MIIP: variants seen among roughly 807,000 people sequenced by gnomAD.
MIIP encodes migration and invasion-inhibitory protein.
In MIIP, 44 loss-of-function variants were observed where a neutral mutation model predicts 44.8. The observed-to-expected ratio is 0.98, with a 90% CI of 0.77 to 1.26. MIIP has a LOEUF of 1.26. Among genes scored for constraint, MIIP ranks in the 50% most tolerant of loss-of-function variants. MIIP has a pLI of 0.00. For missense variants in MIIP, 496 were observed against 511.7 expected, an observed-to-expected ratio of 0.97 and a Z score of 0.30; for synonymous variants, 225 against 218.3, an observed-to-expected ratio of 1.03 and a Z score of -0.27.
chr1:12,020,168 T>A (rs1410754181), intron 1 of MIIP, among the ~76,000 whole-genome samples: 2 of 152,212 alleles, frequency 1.3e-5, no homozygotes, highest in Non-Finnish European at 2.9e-5. Flanking sequence ...GAGTCAAATT[T>A]TGGTTCAGAT....
rs1447048927 is a variant in MIIP at position 12,029,141 on chromosome 1, A to G, written c.656A>G (p.Glu219Gly). 6.2e-7 allele frequency: 1 copy of G among 1,606,434 alleles called. No individual in the cohort carries two copies. The highest frequency in any genetic ancestry group is 2.2e-5 in the East Asian group (1 of 44,800). The change falls in exon 5 of 10, where the codon GAA (glutamate) becomes GGA (glycine). Residue 219 changes from glutamate (E) to glycine (G), a missense_variant and splice_region_variant. Physicochemically the swap from Glu to Gly is moderately conservative, Grantham distance 98. Coordinates refer to ENST00000235332, the MANE Select transcript of MIIP (RefSeq NM_021933.4). Reference sequence around the variant, plus strand: ...GAGGAGTGTATCTGCAGCCATCCTGAGTGAGCAGGGGCGGGCGAGGGTGGG... The same window carrying G: ...GAGGAGTGTATCTGCAGCCATCCTGGGTGAGCAGGGGCGGGCGAGGGTGGG... Reference protein sequence around the residue: ...NKEECICSHPEPQLPGLRESS... With the variant: ...NKEECICSHPGPQLPGLRESS...
rs1024207319 is a variant in MIIP, at chr1:12,029,649, G to A, written c.716-116G>A. 4 of 1,431,394 alleles carry A rather than the reference G, an allele frequency of 2.8e-6. No individual in the cohort carries two copies. The African/African-American group carries it at 5.7e-5, about 20-fold the overall frequency. The allele number at this position is 1,431,394 out of a possible 1,614,324, so 88.7% of individuals were successfully genotyped here. On this transcript the variant is annotated intron_variant, in intron 6 of 9. Transcript: ENST00000235332. ...AGGGGTTAGGAGGAAATGGGCCGAAGGGCTTCCCAGAGGGATTGGCAGCTT... is the reference window on the plus strand; with the variant it reads ...AGGGGTTAGGAGGAAATGGGCCGAAAGGCTTCCCAGAGGGATTGGCAGCTT...
intron 4 of MIIP, among the ~76,000 whole-genome samples, chr1:12,025,275 G>A (rs1640083567): frequency 6.6e-6 from 1 of 151,912 alleles, no homozygotes; most frequent in African/African-American, 2.4e-5. Context: ...GGCCAGGCTG[G>A]TCTCGAACTC....
chr1:12,023,279 G>T (rs1158360265), intron 4 of MIIP, among the ~76,000 whole-genome samples: 3 of 151,002 alleles, frequency 2.0e-5, no homozygotes, highest in Non-Finnish European at 2.9e-5. Flanking sequence ...GGCCAGGCTG[G>T]TCTCAAGCTA....
chr1:12,023,429 T>G (rs1219723537), intron 4 of MIIP, among the ~76,000 whole-genome samples: 2 of 147,686 alleles, frequency 1.4e-5, no homozygotes, highest in Non-Finnish European at 3.0e-5. Context: ...TTTGAGATAG[T>G]CTCTCGCTCT....
At chr1:12,022,576 C>A in intron 3 of MIIP, 134 bp downstream of exon 3, 1 of 793,316 alleles carries the variant, frequency 1.3e-6, no homozygotes, top group Non-Finnish European at 2.0e-6. Context: ...TGAGTTGGGT[C>A]TTGCTCAGCC....
intron 1 of MIIP, 44 bp from the exon 2 acceptor site, chr1:12,021,601 C>T: frequency 1.3e-6 from 1 of 768,448 alleles, no homozygotes; most frequent in Non-Finnish European, 2.2e-6. Context: ...TCTGGCACCA[C>T]AGGGCACCCT....
At chr1:12,030,318 G>A (rs981478416) in intron 8 of MIIP, among the ~76,000 whole-genome samples, 194 bp downstream of exon 8, 2 of 152,118 alleles carry the variant, frequency 1.3e-5, no homozygotes, top group Non-Finnish European at 2.9e-5. Flanking sequence ...CACGTACCCC[G>A]GTGCTTCCAG....
At chr1:12,025,028 C>CTTTTTTTTTTTTTTTTTTTTT (rs147513513) in intron 4 of MIIP, among the ~76,000 whole-genome samples, 52 of 123,882 alleles carry the variant, frequency 4.2e-4, no homozygotes, top group African/African-American at 8.5e-4. Flanking sequence ...AATTCCCTTC[C>CTTTTTTTTTTTTTTTTTTTTT]TTTTTTTTTT....
intron 7 of MIIP, 50 bp from the exon 8 acceptor site, chr1:12,029,978 C>G: frequency 6.2e-7 from 1 of 1,610,634 alleles, no homozygotes; most frequent in Middle Eastern, 1.7e-4. Context: ...GGCGTGGGCC[C>G]CCAACCGCTG....
chr1:12,024,356 A>C (rs908160286), intron 4 of MIIP, among the ~76,000 whole-genome samples: 1 of 152,134 alleles, frequency 6.6e-6, no homozygotes, highest in Non-Finnish European at 1.5e-5. Context: ...CCTATGTCCC[A>C]TTGCTGTCCT....
At chr1:12,023,017 G>A in intron 4 of MIIP, 100 bp downstream of exon 4, 2 of 891,592 alleles carry the variant, frequency 2.2e-6, no homozygotes, top group Non-Finnish European at 3.5e-6. Context: ...CGGTGCTGTT[G>A]CTTGTTTCTC....
chr1:12,026,765 A>G (rs1479843280), intron 4 of MIIP, among the ~76,000 whole-genome samples: 1 of 152,154 alleles, frequency 6.6e-6, no homozygotes, highest in African/African-American at 2.4e-5. Context: ...AGGCACCACC[A>G]TGGTGCCCAT....
At chr1:12,030,264 T>C in intron 8 of MIIP, 140 bp downstream of exon 8, 2 of 765,540 alleles carry the variant, frequency 2.6e-6, no homozygotes, top group Non-Finnish European at 4.4e-6. Flanking sequence ...CTGGGCCTCT[T>C]CCATCACCCA....
Position 12,031,286 on chromosome 1 carries a change from C to T in MIIP, c.963C>T (p.Asp321=), listed in dbSNP as rs2100910302. 1 of 1,613,892 alleles carries T rather than the reference C, an allele frequency of 6.2e-7. No individual in the cohort carries two copies. The highest frequency in any genetic ancestry group is 8.5e-7 in the Non-Finnish European group (1 of 1,179,864). ...ALPRHCLLGW[D]IFPPKSEKSS... The stretch of plus-strand genomic sequence containing the variant: ...CACAGCACTGCCTGCTGGGCTGGGA[C>T]ATTTTTCCTCCGAAGTCTGAGAAAA... Residue 321 remains aspartate, a synonymous_variant, in exon 9 of 10, where the codon GAC becomes GAT. Coordinates refer to ENST00000235332, the MANE Select transcript of MIIP (RefSeq NM_021933.4).
chr1:12,019,532 C>T lies in MIIP; in HGVS notation c.-103C>T, dbSNP rs143608566. The T allele has an allele frequency of 6.5e-6, 1 of 152,894 alleles. No individual in the cohort carries two copies. Among genetic ancestry groups the T allele is most frequent in the South Asian group, 2.1e-4 (1 of 4,852 alleles). The allele number at this position is 152,894 out of a possible 1,614,324, so 9.5% of individuals were successfully genotyped here. A position where few individuals can be genotyped will look rare whatever the true frequency, so the allele number is the denominator to read the frequency against. ...GGCGGCTGCGGCTGCTACGGCGGCGCATGCTAGGGGATTCTGCCGGGTGAG... is the reference window on the plus strand; with the variant it reads ...GGCGGCTGCGGCTGCTACGGCGGCGTATGCTAGGGGATTCTGCCGGGTGAG... On this transcript the variant is annotated 5_prime_UTR_variant, in exon 1 of 10. Coordinates refer to ENST00000235332, the MANE Select transcript of MIIP (RefSeq NM_021933.4).
intron 4 of MIIP, among the ~76,000 whole-genome samples, chr1:12,028,325 G>A (rs539760060): frequency 6.6e-6 from 1 of 152,310 alleles, no homozygotes; most frequent in African/African-American, 2.4e-5. Context: ...AGCAGCCAGA[G>A]GAGGAGTTCT....
intron 8 of MIIP, among the ~76,000 whole-genome samples, chr1:12,030,512 G>C (rs1553149442): frequency 3.3e-5 from 5 of 151,258 alleles, no homozygotes; most frequent in Non-Finnish European, 7.4e-5. Context: ...CGCCTTGGTG[G>C]AGGAGCTGGG....
rs368407926 is a variant in MIIP, at chr1:12,021,845, G to A, written c.114+5G>A. 5.7e-4 allele frequency: 913 copies of A among 1,594,874 alleles called. No individual in the cohort carries two copies. The highest frequency in any genetic ancestry group is 7.9e-4 in the Admixed American group (46 of 58,166). On this transcript the variant is annotated splice_donor_5th_base_variant and intron_variant, in intron 2 of 9. Coordinates refer to ENST00000235332, the MANE Select transcript of MIIP (RefSeq NM_021933.4). Reference sequence around the variant, plus strand: ...GTGGCCAGGGCAGCCTCGGAGGTGCGTGCCCGCCTTGGGAACCCCAGAGGA... The same window carrying A: ...GTGGCCAGGGCAGCCTCGGAGGTGCATGCCCGCCTTGGGAACCCCAGAGGA...
Sources: gnomAD v4.1 joint callset for allele counts (sites outside exome capture counted in the v4.1 genomes callset) on GRCh38, gnomAD v4.1.1 for gene constraint, MANE v1.5 for transcripts, NCBI Gene and HGNC (gene_info 2026-07-23, HGNC 2026-07-21) for gene names.